The following SPTBN4 variants were observed in gnomAD, a reference collection of about 807,000 sequenced individuals.
SPTBN4 encodes the protein spectrin beta chain, non-erythrocytic 4.
A neutral mutation model predicts 277.8 loss-of-function variants in SPTBN4; 96 were observed. The ratio of observed to expected loss-of-function variants is 0.35; its 90% CI spans 0.29 to 0.41. The LOEUF is 0.41. SPTBN4 is among the 10% of genes least tolerant of loss of function. The pLI, the probability that SPTBN4 is intolerant of heterozygous loss-of-function variation, is 1.00. For synonymous variants in SPTBN4, 1,481 were observed against 1,580.3 expected (o/e 0.94, Z 1.49); for missense variants, 3,006 against 3,595.7 (o/e 0.84, Z 4.19).
chr19:40,533,068 A>G (rs549694500), intron 19 of SPTBN4, among the ~76,000 whole-genome samples: 1 of 151,998 alleles, frequency 6.6e-6, no homozygotes, highest in East Asian at 1.9e-4. Context: ...TTCCTTCCAT[A>G]CCATTTGGGG....
chr19:40,512,763 C>T lies in SPTBN4; in HGVS notation c.1974C>T (p.Ser658=). The T allele has an allele frequency of 1.3e-6, 2 of 1,509,448 alleles. No homozygotes were observed. The highest frequency in any genetic ancestry group is 1.8e-6 in the Non-Finnish European group (2 of 1,137,556). 93.5% of individuals were successfully genotyped at this position (1,509,448 alleles called of 1,614,324 possible). The change falls in exon 14 of 36, where the codon AGC becomes AGT. Residue 658 remains serine, a synonymous_variant. Coordinates refer to ENST00000598249, the MANE Select transcript of SPTBN4 (RefSeq NM_020971.3). Reference sequence around the variant, plus strand: ...TGCAGGAGCTGGAGGAGGCCGAGAGCTGGGCGCGCGACAAGGAGCGTCTCC... The same window carrying T: ...TGCAGGAGCTGGAGGAGGCCGAGAGTTGGGCGCGCGACAAGGAGCGTCTCC... ...ALLQELEEAE[S]WARDKERLLE... is the part of the protein sequence containing the mutation.
At chr19:40,522,719 T>A (rs574855428) in intron 16 of SPTBN4, among the ~76,000 whole-genome samples, 2 of 152,206 alleles carry the variant, frequency 1.3e-5, no homozygotes, top group South Asian at 4.1e-4. Context: ...TGAGCACACC[T>A]CAGGCAACAA....
chr19:40,509,053 GT>G (rs905126851), intron 13 of SPTBN4, among the ~76,000 whole-genome samples: 7 of 138,744 alleles, frequency 5.0e-5, no homozygotes, highest in South Asian at 2.5e-4. Flanking sequence ...CGTTCTGTGA[GT>G]TTTTTTTATT....
rs766424833 is a variant in SPTBN4 at position 40,560,140 on chromosome 19, G to A, written c.5671-19G>A. 47 of 1,577,604 alleles carry A rather than the reference G, an allele frequency of 3.0e-5. No individual in the cohort carries two copies. Among genetic ancestry groups the A allele is most frequent in the African/African-American group, 1.5e-4 (11 of 74,804 alleles). ...TGGGCCCCGTGGAGGGCTGGCGCCC[G>A]ACCTGGCATGCCCTTCAGGTACGGC... On this transcript the variant is annotated intron_variant, in intron 26 of 35. Transcript: ENST00000598249. The surrounding 1 kb of genome is among the most constrained non-coding windows in gnomAD (Gnocchi z 5.2).
Position 40,519,342 on chromosome 19 carries a change from C to T in SPTBN4, c.2904-59C>T. Reference sequence around the variant, plus strand: ...CTGGATTCTACCCTGGGTCGGCGGGCCCTCCGCGCCCAAGAGGAGTCCCTG... The same window carrying T: ...CTGGATTCTACCCTGGGTCGGCGGGTCCTCCGCGCCCAAGAGGAGTCCCTG... On this transcript the variant is annotated intron_variant, in intron 15 of 35. Transcript: ENST00000598249. The surrounding 1 kb of genome is among the most constrained non-coding windows in gnomAD (Gnocchi z 5.7). 1 of 1,412,440 alleles carries T rather than the reference C, an allele frequency of 7.1e-7. No homozygotes were observed. The highest frequency in any genetic ancestry group is 9.2e-7 in the Non-Finnish European group (1 of 1,084,942). 87.5% of individuals were successfully genotyped at this position (1,412,440 alleles called of 1,614,324 possible).
intron 3 of SPTBN4, among the ~76,000 whole-genome samples, 200 bp downstream of exon 3, chr19:40,488,048 A>G (rs914875156): frequency 1.3e-5 from 2 of 152,038 alleles, no homozygotes; most frequent in African/African-American, 2.4e-5. Context: ...GGTCGTGAGA[A>G]GCCTGGGCGC....
Position 40,570,480 on chromosome 19 carries a change from C to G in SPTBN4, c.7071C>G (p.Pro2357=). ...GCGAGCTTCCCCCAGGTCGCCTGCC[C>G]AACGGGCTTGAGCTGCCCGAGCGGA... ...QPRELPPGRL[P]NGLELPERTP... The change falls in exon 33 of 36, where the codon CCC becomes CCG. Residue 2357 remains proline, a synonymous_variant. Transcript: ENST00000598249. The G allele has an allele frequency of 6.4e-7, 1 of 1,565,548 alleles. No individual in the cohort carries two copies. The highest frequency in any genetic ancestry group is 8.6e-7 in the Non-Finnish European group (1 of 1,165,078).
At chr19:40,530,705 G>T (rs1290062843) in intron 18 of SPTBN4, 2 of 424,266 alleles carry the variant, frequency 4.7e-6, no homozygotes, top group African/African-American at 4.4e-5. Context: ...GCGGGGCGGC[G>T]CGGGGGCGGG....
chr19:40,573,708 CA>C (rs1331055779), intron 35 of SPTBN4, among the ~76,000 whole-genome samples: 1 of 152,102 alleles, frequency 6.6e-6, no homozygotes, highest in East Asian at 1.9e-4. Flanking sequence ...GAGGCTGAGG[CA>C]GGAGGATTGC....
rs2079934266 is a variant in SPTBN4 at position 40,475,281 on chromosome 19, T to C, written c.169+2491T>C. 1.3e-5 allele frequency among the ~76,000 whole-genome samples: 2 copies of C among 152,066 alleles called. 1 individual carries two copies. Among genetic ancestry groups the C allele is most frequent in the South Asian group, 4.1e-4 (2 of 4,826 alleles). The stretch of plus-strand genomic sequence containing the variant: ...CATGACACCCTAGCACCTTTGACCC[T>C]TGGGACCTTAACATCTTAGAAACAC... On this transcript the variant is annotated intron_variant, in intron 2 of 35. Transcript: ENST00000598249.
rs1298369506 is a variant in SPTBN4, at chr19:40,520,117, A to G, written c.3620A>G (p.Asp1207Gly). The G allele has an allele frequency of 6.8e-7, 1 of 1,463,286 alleles. No individual in the cohort carries two copies. Among genetic ancestry groups the G allele is most frequent in the South Asian group, 1.4e-5 (1 of 68,984 alleles). The allele number at this position is 1,463,286 out of a possible 1,614,324, so 90.6% of individuals were successfully genotyped here. Reference protein sequence around the residue: ...QAHIYQLFLRDLRQALVVLRN... With the variant: ...QAHIYQLFLRGLRQALVVLRN... Reference sequence around the variant, plus strand: ...CACATCTACCAGCTCTTCCTGCGGGATCTACGCCAGGCGCTCGTGGTGCTG... The same window carrying G: ...CACATCTACCAGCTCTTCCTGCGGGGTCTACGCCAGGCGCTCGTGGTGCTG... Residue 1207 changes from aspartate (D) to glycine (G), a missense_variant, in exon 16 of 36, where the codon GAT becomes GGT. Asp to Gly is a moderately conservative substitution (Grantham distance 94, BLOSUM62 -1). This residue lies in a region of SPTBN4 where 1,759 missense variants were observed against 2,061.5 expected (regional missense o/e 0.85). Transcript: ENST00000598249.
rs1006255301 is a variant in SPTBN4, at chr19:40,575,700, C to A, written c.*131C>A. The A allele has an allele frequency of 1.0e-5, 12 of 1,196,386 alleles. No individual in the cohort carries two copies. The highest frequency in any genetic ancestry group is 1.4e-5 in the Non-Finnish European group (12 of 885,146). The allele number at this position is 1,196,386 out of a possible 1,614,324, so 74.1% of individuals were successfully genotyped here. Reference sequence around the variant, plus strand: ...TGAGGACGCGTGACATGGTGGGCACCGGAAAGGAGGGGACTTCTCCTGCAC... The same window carrying A: ...TGAGGACGCGTGACATGGTGGGCACAGGAAAGGAGGGGACTTCTCCTGCAC... On this transcript the variant is annotated 3_prime_UTR_variant, in exon 36 of 36. Transcript: ENST00000598249.
intron 33 of SPTBN4, 197 bp downstream of exon 33, chr19:40,570,925 T>A (rs988141546): frequency 6.6e-5 from 34 of 514,506 alleles, no homozygotes; most frequent in Non-Finnish European, 9.9e-5. Flanking sequence ...GGGTGTGGTT[T>A]AACGTCAGGC....
Position 40,566,100 on chromosome 19 carries a change from G to C in SPTBN4, c.6140-63G>C, listed in dbSNP as rs138133652. 487 of 1,431,808 alleles carry C rather than the reference G, an allele frequency of 3.4e-4. 3 individuals are homozygous for C. The South Asian group carries it at 5.1e-3, about 15-fold the overall frequency. The allele number at this position is 1,431,808 out of a possible 1,614,324, so 88.7% of individuals were successfully genotyped here. On this transcript the variant is annotated intron_variant, in intron 29 of 35. Transcript: ENST00000598249. ...AGGGGTGTGGAAGGCCAGGGGAACA[G>C]CCATTGCCCCCAGGAAGGGCCCCAG...
At chr19:40,569,424 C>G (rs1387870069) in intron 31 of SPTBN4, among the ~76,000 whole-genome samples, 5 of 88,930 alleles carry the variant, frequency 5.6e-5, no homozygotes, top group Middle Eastern at 5.2e-3. Flanking sequence ...AAGACTCCGT[C>G]TCAAAAAAAA....
intron 30 of SPTBN4, 82 bp from the exon 31 acceptor site, chr19:40,567,581 A>G: frequency 7.4e-7 from 1 of 1,357,210 alleles, no homozygotes; most frequent in Non-Finnish European, 9.6e-7. Context: ...AGGCAGAAAA[A>G]CCCAGGCCGC....
chr19:40,571,929 C>CTCAG, intron 33 of SPTBN4, 90 bp from the exon 34 acceptor site: 3 of 1,421,282 alleles, frequency 2.1e-6, no homozygotes, highest in Non-Finnish European at 2.8e-6. Context: ...GGTAGGAAGG[C>CTCAG]TCAGACATAT....
intron 18 of SPTBN4, among the ~76,000 whole-genome samples, chr19:40,529,469 G>C (rs1285880722): frequency 6.6e-6 from 1 of 152,322 alleles, no homozygotes; most frequent in African/African-American, 2.4e-5. Flanking sequence ...GGCGGGGCGG[G>C]CGGTGGGGAT....
chr19:40,529,095 A>T lies in SPTBN4; in HGVS notation c.3912A>T (p.Gln1304His). ...AATGGATGCAAAAGCTACATGACCA[A>T]CTTGAGCTGCAGCACTTCCTCCGAG... Reference protein sequence around the residue: ...AQQWMQKLHDQLELQHFLRDC... With the variant: ...AQQWMQKLHDHLELQHFLRDC... The change falls in exon 18 of 36, where the codon CAA (glutamine) becomes CAT (histidine). Residue 1304 changes from glutamine (Q) to histidine (H), a missense_variant. Around this residue, in one of 5 missense-constraint regions of SPTBN4, gnomAD observed 1,759 missense variants for 2,061.5 expected, o/e 0.85. Coordinates refer to ENST00000598249, the MANE Select transcript of SPTBN4 (RefSeq NM_020971.3). 6.2e-7 allele frequency: 1 copy of T among 1,614,018 alleles called. No individual in the cohort carries two copies. The highest frequency in any genetic ancestry group is 2.2e-5 in the East Asian group (1 of 44,868).
Sources: allele counts gnomAD v4.1 joint callset (sites outside exome capture counted in the v4.1 genomes callset), GRCh38; gene constraint gnomAD v4.1.1; regional missense constraint gnomAD v4.1.1; non-coding constraint Gnocchi (gnomAD v3.1); transcripts MANE v1.5; gene names NCBI Gene and HGNC (gene_info 2026-07-23, HGNC 2026-07-21).